CSMD2: variants seen among roughly 807,000 people sequenced by gnomAD.
The protein encoded by CSMD2 is CUB and Sushi multiple domains 2.
A neutral mutation model predicts 398.5 loss-of-function variants in CSMD2; 130 were observed. The observed-to-expected ratio is 0.33, with a 90% CI of 0.28 to 0.38. The LOEUF is 0.38. Ranked by LOEUF, CSMD2 falls within the 10% of genes least tolerant of loss-of-function variation. The pLI is 1.00. For missense variants in CSMD2, 3,829 were observed against 4,764.9 expected, an observed-to-expected ratio of 0.80 and a Z score of 5.78; for synonymous variants, 1,828 against 1,908.5, an observed-to-expected ratio of 0.96 and a Z score of 1.10.
At chr1:33,798,053 C>A (rs1388863264) in intron 10 of CSMD2, among the ~76,000 whole-genome samples, 1 of 152,210 alleles carries the variant, frequency 6.6e-6, no homozygotes, top group African/African-American at 2.4e-5. Context: ...CAGGACGAGC[C>A]TCTAGTGCAC....
Position 33,611,154 on chromosome 1 carries a change from C to A in CSMD2, c.6230G>T (p.Arg2077Ile). The A allele has an allele frequency of 6.2e-7, 1 of 1,614,104 alleles. No individual in the cohort carries two copies. The highest frequency in any genetic ancestry group is 1.1e-5 in the South Asian group (1 of 91,054). The change falls in exon 41 of 71, where the codon AGA becomes ATA. Residue 2077 changes from arginine to isoleucine, a missense_variant. Physicochemically the swap from Arg to Ile is moderately conservative, Grantham distance 97. Coordinates refer to ENST00000373381, the MANE Select transcript of CSMD2 (RefSeq NM_001281956.2). ...GPYETSRMMG[R>I]FSGSELPSSL... ...GCTTGGAAGCTCGCTTCCACTGAATCTTCCCATCATGCGGCTGGTCTCATA... is the reference window on the plus strand; with the variant it reads ...GCTTGGAAGCTCGCTTCCACTGAATATTCCCATCATGCGGCTGGTCTCATA...
chr1:34,069,685 C>T (rs1373774487), intron 2 of CSMD2, among the ~76,000 whole-genome samples: 1 of 152,086 alleles, frequency 6.6e-6, no homozygotes, highest in Non-Finnish European at 1.5e-5. Context: ...GAGACACTCC[C>T]AACAATGTGC....
Position 33,793,799 on chromosome 1 carries a change from A to T in CSMD2, c.1447-1273T>A, listed in dbSNP as rs185481349. On this transcript the variant is annotated intron_variant, in intron 10 of 70. Transcript: ENST00000373381. Reference sequence around the variant, plus strand: ...TCCTAGTGATATTTAGGGCTTTGAGACAGGATGCATGTGGTGCTGAGGGGA... The same window carrying T: ...TCCTAGTGATATTTAGGGCTTTGAGTCAGGATGCATGTGGTGCTGAGGGGA... 3.3e-3 allele frequency among the ~76,000 whole-genome samples: 500 copies of T among 152,102 alleles called. 1 individual carries two copies. The highest frequency in any genetic ancestry group is 0.012 in the African/African-American group (480 of 41,476).
At position 33,724,496 on chromosome 1, in the gene CSMD2, C is replaced by A; in HGVS notation, c.2884+20G>T. ...GGAGAGGAGTCTGCTACTTTAGCGC[C>A]CCCTCATGGTGTCCCTCACCTTCAC... is the stretch of plus-strand genomic sequence containing the variant. On this transcript the variant is annotated intron_variant, in intron 18 of 70. Coordinates refer to ENST00000373381, the MANE Select transcript of CSMD2 (RefSeq NM_001281956.2). The A allele has an allele frequency of 6.2e-7, 1 of 1,607,338 alleles. No individual in the cohort carries two copies. The highest frequency in any genetic ancestry group is 1.1e-5 in the South Asian group (1 of 90,292).
At position 33,726,567 on chromosome 1, in the gene CSMD2, G is replaced by A. The variant is rs549017762; in HGVS notation, c.2487C>T (p.Pro829=). 18 of 1,611,518 alleles carry A rather than the reference G, an allele frequency of 1.1e-5. No homozygotes were observed. The highest frequency in any genetic ancestry group is 1.4e-5 in the Non-Finnish European group (17 of 1,178,362). ...AWVIEAQPGY[P]IKITFDRFKT... ...AGCACCTGTCGAAGGTGATTTTGAT[G>A]GGGTAGCCTGGCTGGGCCTCAATCA... Residue 829 remains proline, a synonymous_variant, in exon 16 of 71, where the codon CCC becomes CCT. Coordinates refer to ENST00000373381, the MANE Select transcript of CSMD2 (RefSeq NM_001281956.2).
chr1:33,518,074 C>T lies in CSMD2; in HGVS notation c.*53+1391G>A, dbSNP rs1030176885. 2.0e-5 allele frequency among the ~76,000 whole-genome samples: 3 copies of T among 152,248 alleles called. No homozygotes were observed. The highest frequency in any genetic ancestry group is 4.8e-5 in the African/African-American group (2 of 41,464). On this transcript the variant is annotated intron_variant, in intron 70 of 70. Transcript: ENST00000373381. This position sits in a 1 kb window ranked among gnomAD's most constrained non-coding sequence, Gnocchi z 4.3. Reference sequence around the variant, plus strand: ...AGCCCTGGGTTTGGCTGGTGGCCCACTTGGCGGATTTTCCACCGCCCTCAC... The same window carrying T: ...AGCCCTGGGTTTGGCTGGTGGCCCATTTGGCGGATTTTCCACCGCCCTCAC...
At chr1:34,033,102 A>T (rs1360167462) in intron 2 of CSMD2, among the ~76,000 whole-genome samples, 1 of 152,252 alleles carries the variant, frequency 6.6e-6, no homozygotes, top group Non-Finnish European at 1.5e-5. Context: ...AAATAGAGCC[A>T]ACTCTAAGTA....
intron 6 of CSMD2, 34 bp downstream of exon 6, chr1:33,846,850 C>A (rs1363554049): frequency 6.9e-6 from 10 of 1,441,710 alleles, no homozygotes; most frequent in Non-Finnish European, 9.6e-6. Context: ...CTGCTGCCCA[C>A]TGAGGAAGCC....
intron 5 of CSMD2, among the ~76,000 whole-genome samples, chr1:33,912,116 T>G (rs955517928): frequency 1.3e-5 from 2 of 152,204 alleles, no homozygotes; most frequent in Non-Finnish European, 2.9e-5. Flanking sequence ...TTTCTCTTCC[T>G]ACTTTGAATG....
chr1:33,650,082 T>G (rs537828177), intron 28 of CSMD2, among the ~76,000 whole-genome samples: 1 of 152,066 alleles, frequency 6.6e-6, no homozygotes, highest in East Asian at 1.9e-4. Context: ...TCGGAGGGAG[T>G]GAGTCTTGGT....
At chr1:34,123,044 G>T (rs1029749286) in intron 1 of CSMD2, among the ~76,000 whole-genome samples, 10 of 152,132 alleles carry the variant, frequency 6.6e-5, no homozygotes, top group Admixed American at 4.6e-4. Context: ...TGCTATTTTT[G>T]TCTGTAGTTC....
At chr1:33,953,404 GCA>G (rs146982131) in intron 3 of CSMD2, among the ~76,000 whole-genome samples, 1,790 of 152,184 alleles carry the variant, frequency 0.012, 37 homozygotes, top group African/African-American at 0.041. Context: ...CTGAATCCTC[GCA>G]CAGTCTGTCT....
At chr1:33,694,380 G>A (rs1645346612) in intron 24 of CSMD2, among the ~76,000 whole-genome samples, 1 of 152,114 alleles carries the variant, frequency 6.6e-6, no homozygotes, top group African/African-American at 2.4e-5. Context: ...TAGGCTTTGT[G>A]TCCCTACCCA....
intron 12 of CSMD2, among the ~76,000 whole-genome samples, chr1:33,777,653 A>G (rs1652174895): frequency 6.6e-6 from 1 of 152,208 alleles, no homozygotes; most frequent in Non-Finnish European, 1.5e-5. Flanking sequence ...ATTCCGTTTT[A>G]TGAGTGTTTC....
intron 6 of CSMD2, among the ~76,000 whole-genome samples, chr1:33,827,541 G>A (rs1658970429): frequency 6.6e-6 from 1 of 152,102 alleles, no homozygotes; most frequent in Non-Finnish European, 1.5e-5. Context: ...TGCAACCCCA[G>A]CTCTCCCTGC....
chr1:33,904,106 A>G (rs1165192766), intron 5 of CSMD2, among the ~76,000 whole-genome samples: 1 of 152,202 alleles, frequency 6.6e-6, no homozygotes, highest in Non-Finnish European at 1.5e-5. Flanking sequence ...TAAATGTGAT[A>G]GTAAGCCATT....
intron 25 of CSMD2, among the ~76,000 whole-genome samples, chr1:33,671,002 G>C (rs1382020387): frequency 1.3e-5 from 2 of 152,100 alleles, no homozygotes; most frequent in Non-Finnish European, 2.9e-5. Flanking sequence ...GGTGAGAAGG[G>C]GACAGAATGC....
chr1:33,837,588 C>A (rs2358520), intron 6 of CSMD2, among the ~76,000 whole-genome samples: 119,624 of 152,218 alleles, frequency 0.79, 47,853 homozygotes, highest in East Asian at 0.94. Context: ...CGTACTGTGC[C>A]CTTACCCATG....
At chr1:33,796,272 T>C (rs1306526163) in intron 10 of CSMD2, among the ~76,000 whole-genome samples, 1 of 152,204 alleles carries the variant, frequency 6.6e-6, no homozygotes, top group Non-Finnish European at 1.5e-5. Flanking sequence ...TTTACACATA[T>C]CAACTCATGA....
Sources: gnomAD v4.1 joint callset for allele counts (sites outside exome capture counted in the v4.1 genomes callset) on GRCh38, gnomAD v4.1.1 for gene constraint, Gnocchi (gnomAD v3.1) non-coding constraint, MANE v1.5 for transcripts, NCBI Gene and HGNC (gene_info 2026-07-23, HGNC 2026-07-21) for gene names.